ZFAT: variants seen among roughly 807,000 people sequenced by gnomAD.
The protein encoded by ZFAT is zinc finger and AT-hook domain containing.
Under a neutral mutation model 117.7 loss-of-function variants are expected in ZFAT, and 64 were observed. The ratio of observed to expected loss-of-function variants is 0.54; its 90% CI spans 0.44 to 0.67. ZFAT has a LOEUF of 0.67. Ranked by LOEUF, ZFAT falls within the 30% of genes least tolerant of loss-of-function variation. ZFAT has a pLI of 0.00. For synonymous variants in ZFAT, 679 were observed against 615.0 expected (o/e 1.10, Z -1.54); for missense variants, 1,433 against 1,584.5 (o/e 0.90, Z 1.62).
At chr8:134,755,817 C>CAAAAAAAAAAAAAAAA in the ZFAT span, among the ~76,000 whole-genome samples, 19 of 89,988 alleles carry the variant, frequency 2.1e-4, no homozygotes, top group Admixed American at 2.7e-4. Flanking sequence ...GACTCCATCT[C>CAAAAAAAAAAAAAAAA]AAAAAAAAAA....
intron 11 of ZFAT, among the ~76,000 whole-genome samples, chr8:134,554,426 C>T (rs1234709969): frequency 6.6e-6 from 1 of 152,196 alleles, no homozygotes; most frequent in Non-Finnish European, 1.5e-5. Context: ...ATGCTAGAGA[C>T]CAAGGTATCC....
At position 134,608,778 on chromosome 8, in the gene ZFAT, C is replaced by G. The variant is rs766067645; in HGVS notation, c.736G>C (p.Glu246Gln). 2.5e-6 allele frequency: 4 copies of G among 1,610,140 alleles called. No homozygotes were observed. Among genetic ancestry groups the G allele is most frequent in the Non-Finnish European group, 3.4e-6 (4 of 1,178,682 alleles). Residue 246 changes from glutamate to glutamine, a missense_variant, in exon 5 of 16, where the codon GAA becomes CAA. Transcript: ENST00000377838. ...TAAGGTGTCTGCTGAATGGCGTATTCCTGGTAGCCTCTCCGAGGCACCAGG... is the reference window on the plus strand; with the variant it reads ...TAAGGTGTCTGCTGAATGGCGTATTGCTGGTAGCCTCTCCGAGGCACCAGG... ...ADLVPRRGYQ[E>Q]YAIQQTPYEQ...
At chr8:134,658,337 CAA>C (rs34770848) in intron 1 of ZFAT, among the ~76,000 whole-genome samples, 2 of 117,992 alleles carry the variant, frequency 1.7e-5, no homozygotes, top group East Asian at 2.5e-4. Context: ...ATTCTGTCTC[CAA>C]AAAAAAAAAA....
upstream of ZFAT, among the ~76,000 whole-genome samples, chr8:134,713,430 G>T (rs1190351826): frequency 1.3e-5 from 2 of 152,250 alleles, no homozygotes; most frequent in African/African-American, 4.8e-5. Flanking sequence ...TCAGTTTACT[G>T]ATGTGTCCAT....
At chr8:134,596,384 C>G (rs1268720079) in intron 7 of ZFAT, among the ~76,000 whole-genome samples, 1 of 152,160 alleles carries the variant, frequency 6.6e-6, no homozygotes, top group African/African-American at 2.4e-5. Context: ...CATTTCATGG[C>G]AGCAATAATG....
chr8:134,594,657 C>T (rs533936601), intron 7 of ZFAT: 1 of 152,316 alleles, frequency 6.6e-6, no homozygotes, highest in East Asian at 1.9e-4. Flanking sequence ...TCTGGACAGG[C>T]CCCTCCCTAT....
At chr8:134,611,856 C>A (rs1828355928) in intron 3 of ZFAT, among the ~76,000 whole-genome samples, 1 of 152,192 alleles carries the variant, frequency 6.6e-6, no homozygotes, top group Admixed American at 6.5e-5. Flanking sequence ...ACAGCAAAGT[C>A]AACGGGTTCA....
At chr8:134,774,839 A>G in the ZFAT span, among the ~76,000 whole-genome samples, 3 of 152,082 alleles carry the variant, frequency 2.0e-5, no homozygotes, top group African/African-American at 7.2e-5. Context: ...ACAGTCAGCC[A>G]GGCATGGTGG....
intron 10 of ZFAT, among the ~76,000 whole-genome samples, chr8:134,571,948 AT>A (rs1385933087): frequency 1.3e-5 from 2 of 152,252 alleles, no homozygotes; most frequent in Non-Finnish European, 2.9e-5. Context: ...CAAAATAGCC[AT>A]CCCGCTCCTG....
chr8:134,564,914 C>T (rs1824319192), intron 11 of ZFAT: 22 of 1,196,322 alleles, frequency 1.8e-5, no homozygotes, highest in Non-Finnish European at 2.1e-5. Context: ...TGGACACTCC[C>T]GAACACAATC....
the ZFAT span, among the ~76,000 whole-genome samples, chr8:134,745,408 A>G: frequency 3.3e-5 from 5 of 152,222 alleles, no homozygotes; most frequent in Admixed American, 6.5e-5. Context: ...TTTCGAATGC[A>G]GAAAGGTTCT....
Position 134,602,636 on chromosome 8 carries a change from C to G in ZFAT, c.1083G>C (p.Lys361Asn). ...KIKQHCRFCK[K>N]KYSDVKNLIK... ...TGAGGTTCTTGACGTCAGAGTACTT[C>G]TTCTTGCAGAAGCGGCAGTGCTGCT... is the stretch of plus-strand genomic sequence containing the variant. The change falls in exon 6 of 16, where the codon AAG becomes AAC. Residue 361 changes from lysine (K) to asparagine (N), a missense_variant. Around this residue, in one of 5 missense-constraint regions of ZFAT, gnomAD observed 436 missense variants for 482.0 expected, o/e 0.90. Coordinates refer to ENST00000377838, the MANE Select transcript of ZFAT (RefSeq NM_020863.4). 1.2e-6 allele frequency: 2 copies of G among 1,614,208 alleles called. No individual in the cohort carries two copies. Among genetic ancestry groups the G allele is most frequent in the Non-Finnish European group, 1.7e-6 (2 of 1,180,044 alleles).
intron 3 of ZFAT, among the ~76,000 whole-genome samples, chr8:134,630,436 C>T (rs578255620): frequency 1.3e-5 from 2 of 152,306 alleles, no homozygotes; most frequent in South Asian, 4.1e-4. Flanking sequence ...GTTTTGCTAA[C>T]ACAAATACAG....
At chr8:134,789,207 C>CT in the ZFAT span, among the ~76,000 whole-genome samples, 3 of 152,156 alleles carry the variant, frequency 2.0e-5, no homozygotes, top group Non-Finnish European at 4.4e-5. Context: ...GCACCCTTGT[C>CT]TTCATAGTCT....
intron 15 of ZFAT, among the ~76,000 whole-genome samples, chr8:134,506,719 A>G (rs1171096672): frequency 6.6e-6 from 1 of 152,234 alleles, no homozygotes; most frequent in Non-Finnish European, 1.5e-5. Flanking sequence ...AATAGAGTAT[A>G]TATCTATTTG....
the ZFAT span, among the ~76,000 whole-genome samples, chr8:134,775,155 A>G: frequency 6.6e-6 from 1 of 152,084 alleles, no homozygotes; most frequent in Non-Finnish European, 1.5e-5. Flanking sequence ...CAGAAAAACA[A>G]AAAAAACACA....
Position 134,478,812 on chromosome 8 carries a change from A to G in ZFAT, c.3493-91T>C, listed in dbSNP as rs1305402429. 4 of 1,485,598 alleles carry G rather than the reference A, an allele frequency of 2.7e-6. No homozygotes were observed. Among genetic ancestry groups the G allele is most frequent in the Non-Finnish European group, 3.6e-6 (4 of 1,114,724 alleles). The allele number at this position is 1,485,598 out of a possible 1,614,324, so 92.0% of individuals were successfully genotyped here. A position where few individuals can be genotyped will look rare whatever the true frequency, so the allele number is the denominator to read the frequency against. ...TCACAACTACAGTTTAGGAGGCACC[A>G]GTGCGCTGCGGGAGCACGTCCATTC... On this transcript the variant is annotated intron_variant, in intron 15 of 15. Transcript: ENST00000377838. This position sits in a 1 kb window ranked among gnomAD's most constrained non-coding sequence, Gnocchi z 5.2.
chr8:134,506,415 G>C (rs892924374), intron 15 of ZFAT, among the ~76,000 whole-genome samples: 10 of 152,208 alleles, frequency 6.6e-5, no homozygotes, highest in African/African-American at 2.4e-4. Flanking sequence ...CAAGAAAAGA[G>C]GGAAAGTGAC....
intron 10 of ZFAT, among the ~76,000 whole-genome samples, chr8:134,581,188 G>A (rs1238646662): frequency 1.3e-5 from 2 of 151,934 alleles, no homozygotes; most frequent in African/African-American, 2.4e-5. Context: ...CTTAATTAAA[G>A]CTACATCCTA....
Sources: gnomAD v4.1 joint callset for allele counts (sites outside exome capture counted in the v4.1 genomes callset) on GRCh38, gnomAD v4.1.1 for gene constraint, gnomAD v4.1.1 regional missense constraint, Gnocchi (gnomAD v3.1) non-coding constraint, MANE v1.5 for transcripts, NCBI Gene and HGNC (gene_info 2026-07-23, HGNC 2026-07-21) for gene names.